The following OLFM3 variants were observed in gnomAD, a reference collection of about 807,000 sequenced individuals.
The protein encoded by OLFM3 is noelin-3.
OLFM3 carries 20 observed loss-of-function variants against 48.6 expected under a neutral mutation model. That is an observed-to-expected ratio of 0.41 (90% confidence interval 0.29 to 0.60). OLFM3 has a LOEUF of 0.60. Ranked by LOEUF, OLFM3 falls within the 20% of genes least tolerant of loss-of-function variation. The probability of loss-of-function intolerance (pLI) is 0.28; values close to 1 mark genes in which losing one functional copy is unlikely to be tolerated. For synonymous variants in OLFM3, 222 were observed against 198.1 expected, an observed-to-expected ratio of 1.12 and a Z score of -1.01; for missense variants, 437 against 544.3, an observed-to-expected ratio of 0.80 and a Z score of 1.96.
intron 1 of OLFM3, among the ~76,000 whole-genome samples, chr1:101,842,242 T>G (rs1416828358): frequency 6.6e-6 from 1 of 151,992 alleles, no homozygotes; most frequent in Non-Finnish European, 1.5e-5. Context: ...AAAAACATTA[T>G]CAAATTTAGG....
intron 1 of OLFM3, among the ~76,000 whole-genome samples, chr1:101,872,203 C>T (rs183647180): frequency 6.6e-5 from 10 of 152,100 alleles, no homozygotes; most frequent in Non-Finnish European, 1.3e-4. Context: ...GCTATATGTG[C>T]ATCAACATAT....
At chr1:101,940,132 T>G (rs1419865597) in intron 1 of OLFM3, among the ~76,000 whole-genome samples, 1 of 152,164 alleles carries the variant, frequency 6.6e-6, no homozygotes, top group East Asian at 1.9e-4. Context: ...GGCAAGTGCA[T>G]GCATTCTCCC....
intron 1 of OLFM3, among the ~76,000 whole-genome samples, chr1:101,878,949 A>G (rs1273189786): frequency 6.6e-6 from 1 of 151,920 alleles, no homozygotes; most frequent in Non-Finnish European, 1.5e-5. Flanking sequence ...TGCAAAATAT[A>G]TGTAACTGAA....
chr1:101,973,739 A>T (rs983757908), intron 1 of OLFM3, among the ~76,000 whole-genome samples: 2 of 152,218 alleles, frequency 1.3e-5, no homozygotes, highest in Non-Finnish European at 2.9e-5. Context: ...AAAGGCACAG[A>T]TGTGGGAATG....
At chr1:101,817,742 T>G (rs957178903) in intron 4 of OLFM3, among the ~76,000 whole-genome samples, 12 of 152,224 alleles carry the variant, frequency 7.9e-5, no homozygotes, top group African/African-American at 2.6e-4. Context: ...ATGGACAGAA[T>G]GTTATTTCTT....
chr1:101,935,266 T>A, intron 1 of OLFM3, among the ~76,000 whole-genome samples: 1 of 146,978 alleles, frequency 6.8e-6, no homozygotes, highest in African/African-American at 2.6e-5. Flanking sequence ...TCGAAATAAA[T>A]GCAAGGAGAA....
In OLFM3 at chr1:101,963,129, G is replaced by C. The variant is rs78329862; in HGVS notation, c.69+33619C>G. 3.1e-3 allele frequency among the ~76,000 whole-genome samples: 468 copies of C among 152,238 alleles called. 1 individual carries two copies. The highest frequency in any genetic ancestry group is 0.011 in the African/African-American group (443 of 41,544). On this transcript the variant is annotated intron_variant, in intron 1 of 5. Coordinates refer to ENST00000370103, the MANE Select transcript of OLFM3 (RefSeq NM_058170.4). ...CCACACCTTCAGATTCATTCTGCTG[G>C]GGTCTCTTCAATGCTTCTGGGTCGC...
chr1:101,907,930 G>A (rs757057950), intron 1 of OLFM3, among the ~76,000 whole-genome samples: 1 of 152,066 alleles, frequency 6.6e-6, no homozygotes, highest in African/African-American at 2.4e-5. Context: ...CTCTACTCAC[G>A]TATTATTATC....
Position 101,926,133 on chromosome 1 carries a change from C to G in OLFM3, c.69+70615G>C, listed in dbSNP as rs369798011. 1.6e-4 allele frequency among the ~76,000 whole-genome samples: 24 copies of G among 152,100 alleles called. No individual in the cohort carries two copies. In the South Asian group the frequency reaches 5.0e-3, roughly 32 times the overall value. The stretch of plus-strand genomic sequence containing the variant: ...ATTATAAATAGTCCAGTGTTTGAAG[C>G]CTTAGGTTAATTTAACTAGATCATT... On this transcript the variant is annotated intron_variant, in intron 1 of 5. Transcript: ENST00000370103.
intron 4 of OLFM3, among the ~76,000 whole-genome samples, chr1:101,823,193 GA>G (rs1654692021): frequency 6.6e-6 from 1 of 151,784 alleles, no homozygotes; most frequent in African/African-American, 2.4e-5. Flanking sequence ...CTTGTCCTCG[GA>G]AAAAAAGTCT....
chr1:101,921,919 C>T (rs1447816069), intron 1 of OLFM3, among the ~76,000 whole-genome samples: 1 of 152,012 alleles, frequency 6.6e-6, no homozygotes, highest in Non-Finnish European at 1.5e-5. Context: ...ATTAGCCGGG[C>T]ATGGTGGCGG....
chr1:101,815,483 AT>A (rs1654292266), intron 4 of OLFM3, among the ~76,000 whole-genome samples: 1 of 151,192 alleles, frequency 6.6e-6, no homozygotes, highest in African/African-American at 2.4e-5. Flanking sequence ...TATCAGGCTG[AT>A]TTAGGTGAAA....
At chr1:101,902,712 T>C (rs904222214) in intron 1 of OLFM3, among the ~76,000 whole-genome samples, 2 of 152,098 alleles carry the variant, frequency 1.3e-5, no homozygotes, top group African/African-American at 4.8e-5. Context: ...CTACTATTTG[T>C]TTAGGGGTTA....
chr1:101,966,431 C>T (rs911415392), intron 1 of OLFM3, among the ~76,000 whole-genome samples: 4 of 151,886 alleles, frequency 2.6e-5, no homozygotes, highest in Admixed American at 2.0e-4. Flanking sequence ...CCTTGGCCTC[C>T]CAAAGGGCTG....
At chr1:101,871,780 T>TA (rs1657093998) in intron 1 of OLFM3, among the ~76,000 whole-genome samples, 1 of 152,060 alleles carries the variant, frequency 6.6e-6, no homozygotes, top group African/African-American at 2.4e-5. Context: ...AGAATGCACA[T>TA]AAATATGCAT....
Position 101,969,740 on chromosome 1 carries a change from T to C in OLFM3, c.69+27008A>G, listed in dbSNP as rs528975459. On this transcript the variant is annotated intron_variant, in intron 1 of 5. Coordinates refer to ENST00000370103, the MANE Select transcript of OLFM3 (RefSeq NM_058170.4). ...TTTTTTTCCCTCTTTGGGCTTTTTT[T>C]CCCCCGTCCATACCATCACTAAGAT... 3.3e-5 allele frequency among the ~76,000 whole-genome samples: 5 copies of C among 152,232 alleles called. No homozygotes were observed. In the South Asian group the frequency reaches 6.2e-4, roughly 19 times the overall value.
At chr1:101,850,638 A>C (rs1184130294) in intron 1 of OLFM3, among the ~76,000 whole-genome samples, 1 of 152,122 alleles carries the variant, frequency 6.6e-6, no homozygotes, top group African/African-American at 2.4e-5. Flanking sequence ...AAAATCAAAT[A>C]CATGAAAAAA....
chr1:101,932,368 A>T (rs988531341), intron 1 of OLFM3, among the ~76,000 whole-genome samples: 3 of 152,212 alleles, frequency 2.0e-5, no homozygotes, highest in African/African-American at 7.2e-5. Context: ...AATAGCTCCT[A>T]CCAATAGACC....
chr1:101,817,490 A>G (rs1365746792), intron 4 of OLFM3, among the ~76,000 whole-genome samples: 1 of 152,166 alleles, frequency 6.6e-6, no homozygotes, highest in Non-Finnish European at 1.5e-5. Context: ...TCTTATAGTC[A>G]GTTACAATCC....
Sources: gnomAD v4.1 joint callset for allele counts (sites outside exome capture counted in the v4.1 genomes callset) on GRCh38, gnomAD v4.1.1 for gene constraint, MANE v1.5 for transcripts, NCBI Gene and HGNC (gene_info 2026-07-23, HGNC 2026-07-21) for gene names.